THRB: variants seen among roughly 807,000 people sequenced by gnomAD.
The protein encoded by THRB is thyroid hormone receptor beta, also known as nuclear receptor subfamily 1 group A member 2.
A neutral mutation model predicts 47.8 loss-of-function variants in THRB; 12 were observed. The ratio of observed to expected loss-of-function variants is 0.25; its 90% CI spans 0.16 to 0.41. The LOEUF (loss-of-function observed/expected upper bound fraction) is 0.41, where lower values mean the gene tolerates loss of function less well. Among genes scored for constraint, THRB ranks in the 10% least tolerant of loss-of-function variants. The probability of loss-of-function intolerance (pLI) is 1.00; values close to 1 mark genes in which losing one functional copy is unlikely to be tolerated. For synonymous variants in THRB, 218 were observed against 212.2 expected, an observed-to-expected ratio of 1.03 and a Z score of -0.24; for missense variants, 348 against 589.2, an observed-to-expected ratio of 0.59 and a Z score of 4.24.
chr3:24,387,954 T>C (rs781365332), intron 1 of THRB, among the ~76,000 whole-genome samples: 3 of 152,102 alleles, frequency 2.0e-5, no homozygotes, highest in Non-Finnish European at 4.4e-5. Context: ...CAGTTCAATG[T>C]TGATTGCAAC....
chr3:24,385,311 T>C (rs1330902667), intron 1 of THRB, among the ~76,000 whole-genome samples: 2 of 152,050 alleles, frequency 1.3e-5, no homozygotes, highest in East Asian at 3.9e-4. Flanking sequence ...AAAATTTTTA[T>C]AACAGAAATT....
At chr3:24,443,064 C>T (rs1406729745) in intron 1 of THRB, among the ~76,000 whole-genome samples, 1 of 151,626 alleles carries the variant, frequency 6.6e-6, no homozygotes, top group Non-Finnish European at 1.5e-5. Flanking sequence ...TGCCTGTAAC[C>T]CCAGCTATTT....
chr3:24,335,392 C>A (rs1454437540), intron 2 of THRB, among the ~76,000 whole-genome samples: 1 of 152,266 alleles, frequency 6.6e-6, no homozygotes, highest in South Asian at 2.1e-4. Flanking sequence ...AGAAACTCTG[C>A]GTAATGACTT....
In THRB at chr3:24,182,848, C is replaced by A. The variant is rs150926856; in HGVS notation, c.283+7226G>T. On this transcript the variant is annotated intron_variant, in intron 5 of 10. Coordinates refer to ENST00000646209, the MANE Select transcript of THRB (RefSeq NM_001354712.2). ...ACTGCTCCCATCACAGCAAGTCTGACCACCCTGCATCTTTACCTGACAGTA... is the reference window on the plus strand; with the variant it reads ...ACTGCTCCCATCACAGCAAGTCTGAACACCCTGCATCTTTACCTGACAGTA... Among the ~76,000 whole-genome samples, 542 of 152,078 alleles carry A rather than the reference C, an allele frequency of 3.6e-3. 1 individual carries two copies. The highest frequency in any genetic ancestry group is 5.7e-3 in the Non-Finnish European group (386 of 68,012).
rs2031344864 is a variant in THRB, at chr3:24,119,854, G to A, written c.*3030C>T. 1.3e-5 allele frequency: 2 copies of A among 152,304 alleles called. No homozygotes were observed. The highest frequency in any genetic ancestry group is 4.8e-5 in the African/African-American group (2 of 41,446). The allele number at this position is 152,304 out of a possible 1,614,324, so 9.4% of individuals were successfully genotyped here. ...CGTCTAAATTGAGCAAAGTACACTT[G>A]AGGGTCACACACGCACGCGCATACA... On this transcript the variant is annotated 3_prime_UTR_variant, in exon 11 of 11. Coordinates refer to ENST00000646209, the MANE Select transcript of THRB (RefSeq NM_001354712.2).
chr3:24,452,707 T>G (rs970775698), intron 1 of THRB, among the ~76,000 whole-genome samples: 1 of 152,114 alleles, frequency 6.6e-6, no homozygotes, highest in South Asian at 2.1e-4. Flanking sequence ...CTGTAACTAT[T>G]TATGATCACT....
intron 4 of THRB, among the ~76,000 whole-genome samples, chr3:24,216,664 C>T (rs1347435743): frequency 6.6e-6 from 1 of 152,042 alleles, no homozygotes; most frequent in Non-Finnish European, 1.5e-5. Flanking sequence ...TGACTATGAG[C>T]TTCTCAAAGG....
chr3:24,392,796 C>T (rs2066672919), intron 1 of THRB, among the ~76,000 whole-genome samples: 1 of 152,036 alleles, frequency 6.6e-6, no homozygotes, highest in African/African-American at 2.4e-5. Context: ...GGCCAAATTC[C>T]TGAAAGGATT....
Position 24,381,344 on chromosome 3 carries a change from G to A in THRB, c.-260-43973C>T, listed in dbSNP as rs563209934. Among the ~76,000 whole-genome samples, 5 of 152,190 alleles carry A rather than the reference G, an allele frequency of 3.3e-5. No homozygotes were observed. In the East Asian group the frequency reaches 7.7e-4, roughly 24 times the overall value. On this transcript the variant is annotated intron_variant, in intron 1 of 10. Transcript: ENST00000646209. The stretch of plus-strand genomic sequence containing the variant: ...TTCCAGGAGAGAAAAGCACTTCTAG[G>A]AGAGTTGAACAAATTTGGGGACAAT...
chr3:24,400,388 C>CA (rs1490236005), intron 1 of THRB, among the ~76,000 whole-genome samples: 1 of 151,926 alleles, frequency 6.6e-6, no homozygotes. Context: ...TTATGCAAAA[C>CA]AAAATGCATC....
chr3:24,148,722 C>T (rs2036481282), intron 6 of THRB, among the ~76,000 whole-genome samples: 1 of 152,190 alleles, frequency 6.6e-6, no homozygotes, highest in Admixed American at 6.5e-5. Context: ...TACCCTATTG[C>T]ATATTCCTCC....
chr3:24,290,943 C>T (rs2055861857), intron 3 of THRB, among the ~76,000 whole-genome samples: 1 of 152,188 alleles, frequency 6.6e-6, no homozygotes, highest in South Asian at 2.1e-4. Context: ...TCATGAATTT[C>T]CGTACCAAAG....
chr3:24,190,059 T>G lies in THRB; in HGVS notation c.283+15A>C. On this transcript the variant is annotated intron_variant, in intron 5 of 10. Coordinates refer to ENST00000646209, the MANE Select transcript of THRB (RefSeq NM_001354712.2). ...GTTGAAACACATGATAATGGGCTAATAAAAATCTGGTTACCTTTACATTTC... is the reference window on the plus strand; with the variant it reads ...GTTGAAACACATGATAATGGGCTAAGAAAAATCTGGTTACCTTTACATTTC... The G allele has an allele frequency of 1.2e-6, 2 of 1,613,720 alleles. No individual in the cohort carries two copies. Among genetic ancestry groups the G allele is most frequent in the South Asian group, 1.1e-5 (1 of 91,064 alleles).
intron 3 of THRB, among the ~76,000 whole-genome samples, chr3:24,286,954 G>C (rs578197519): frequency 9.2e-5 from 14 of 152,254 alleles, no homozygotes; most frequent in African/African-American, 3.4e-4. Context: ...CTTGTGTAAA[G>C]TAAGAAGTTG....
At chr3:24,268,128 A>G (rs994928200) in intron 3 of THRB, among the ~76,000 whole-genome samples, 2 of 152,222 alleles carry the variant, frequency 1.3e-5, no homozygotes, top group African/African-American at 4.8e-5. Flanking sequence ...CACAGCCAAC[A>G]TCATCGAGAT....
At position 24,152,405 on chromosome 3, in the gene THRB, C is replaced by T. The variant is rs967737660; in HGVS notation, c.369G>A (p.Thr123=). ...GGGCAATTACCTTGCAGCCTTCACA[C>T]GTGATACAGCGGTAGTGATACCCGG... ...KATGYHYRCI[T]CEGCKGFFRR... is the part of the protein sequence containing the mutation. Residue 123 remains threonine, a synonymous_variant, in exon 6 of 11, where the codon ACG becomes ACA. Coordinates refer to ENST00000646209, the MANE Select transcript of THRB (RefSeq NM_001354712.2). 12 of 1,611,070 alleles carry T rather than the reference C, an allele frequency of 7.4e-6. No individual in the cohort carries two copies. The highest frequency in any genetic ancestry group is 2.2e-5 in the East Asian group (1 of 44,872).
chr3:24,410,939 G>A lies in THRB; in HGVS notation c.-260-73568C>T, dbSNP rs190615338. On this transcript the variant is annotated intron_variant, in intron 1 of 10. Coordinates refer to ENST00000646209, the MANE Select transcript of THRB (RefSeq NM_001354712.2). The stretch of plus-strand genomic sequence containing the variant: ...TGAATTGGTGTAGGAATATAATGCG[G>A]ATGGTTCATCATCATCAAAGAGATA... Among the ~76,000 whole-genome samples, 216 of 151,920 alleles carry A rather than the reference G, an allele frequency of 1.4e-3. 4 individuals carry two copies. Among genetic ancestry groups the A allele is most frequent in the Admixed American group, 0.013 (199 of 15,226 alleles).
chr3:24,397,034 G>A (rs1174524009), intron 1 of THRB, among the ~76,000 whole-genome samples: 2 of 152,176 alleles, frequency 1.3e-5, no homozygotes, highest in East Asian at 3.9e-4. Context: ...AAAACAGTAT[G>A]CTCCCCAGTC....
intron 2 of THRB, among the ~76,000 whole-genome samples, chr3:24,327,852 C>T (rs1162927181): frequency 1.3e-5 from 2 of 152,044 alleles, no homozygotes; most frequent in Non-Finnish European, 2.9e-5. Flanking sequence ...TGAGAGTATT[C>T]TACTGCTAGA....
Sources: allele counts gnomAD v4.1 joint callset (sites outside exome capture counted in the v4.1 genomes callset), GRCh38; gene constraint gnomAD v4.1.1; transcripts MANE v1.5; gene names NCBI Gene and HGNC (gene_info 2026-07-23, HGNC 2026-07-21).